TIAM1: variants seen among roughly 807,000 people sequenced by gnomAD.
The protein encoded by TIAM1 is rho guanine nucleotide exchange factor TIAM1.
In TIAM1, 65 loss-of-function variants were observed where a neutral mutation model predicts 163.5. The observed-to-expected ratio is 0.40, with a 90% CI of 0.33 to 0.49. The LOEUF (loss-of-function observed/expected upper bound fraction) is 0.49, where lower values mean the gene tolerates loss of function less well. TIAM1 is among the 20% of genes least tolerant of loss of function. The pLI, the probability that TIAM1 is intolerant of heterozygous loss-of-function variation, is 0.77. For synonymous variants in TIAM1, 833 were observed against 810.1 expected (o/e 1.03, Z -0.48); for missense variants, 1,789 against 2,044.7 (o/e 0.87, Z 2.41).
chr21:31,443,080 C>T (rs555499594), intron 2 of TIAM1, among the ~76,000 whole-genome samples: 1 of 152,294 alleles, frequency 6.6e-6, no homozygotes, highest in East Asian at 1.9e-4. Context: ...GCGTATCTGC[C>T]TGAGAAGTAG....
At chr21:31,158,796 T>A (rs73899666) in intron 16 of TIAM1, among the ~76,000 whole-genome samples, 2,263 of 152,262 alleles carry the variant, frequency 0.015, 52 homozygotes, top group African/African-American at 0.05. Flanking sequence ...CTCTTTACTG[T>A]GGCCAAACTT....
intron 13 of TIAM1, among the ~76,000 whole-genome samples, chr21:31,187,797 T>C (rs2085373706): frequency 1.3e-5 from 2 of 152,164 alleles, no homozygotes; most frequent in South Asian, 2.1e-4. Context: ...CTCAAAACTC[T>C]ATGGTTACAA....
At chr21:31,278,352 G>A (rs1369494287) in intron 2 of TIAM1, among the ~76,000 whole-genome samples, 1 of 152,212 alleles carries the variant, frequency 6.6e-6, no homozygotes, top group Non-Finnish European at 1.5e-5. Context: ...AGGAACACGT[G>A]GGGTTAATGG....
chr21:31,439,101 T>C (rs1177265531), intron 2 of TIAM1, among the ~76,000 whole-genome samples: 3 of 152,188 alleles, frequency 2.0e-5, no homozygotes, highest in African/African-American at 7.2e-5. Context: ...TGATTGGGGA[T>C]GTCTGCCACA....
At position 31,308,024 on chromosome 21, in the gene TIAM1, G is replaced by A. The variant is rs190089178; in HGVS notation, c.-188-31116C>T. On this transcript the variant is annotated intron_variant, in intron 2 of 27. Transcript: ENST00000541036. ...AAGGCAGGCAGATCACTTGAGAAAC[G>A]AAATCGGAATCCCTGTCAGGGTTCA... Among the ~76,000 whole-genome samples the A allele has an allele frequency of 1.5e-3, 227 of 152,266 alleles. 1 individual carries two copies. The highest frequency in any genetic ancestry group is 5.2e-3 in the African/African-American group (215 of 41,538).
intron 1 of TIAM1, among the ~76,000 whole-genome samples, chr21:31,556,691 C>G (rs2077397332): frequency 6.6e-6 from 1 of 152,156 alleles, no homozygotes; most frequent in Admixed American, 6.5e-5. Flanking sequence ...GGAAAAACAA[C>G]TCAAAACACA....
intron 2 of TIAM1, chr21:31,453,166 A>G: frequency 3.5e-6 from 1 of 289,468 alleles, no homozygotes; most frequent in Middle Eastern, 4.4e-4. Context: ...TGAAAAACAC[A>G]GTGGTGTTAC....
intron 19 of TIAM1, among the ~76,000 whole-genome samples, chr21:31,150,315 T>C (rs2083318450): frequency 6.6e-6 from 1 of 152,110 alleles, no homozygotes; most frequent in African/African-American, 2.4e-5. Context: ...TGAGGTAGAA[T>C]ATCGAGGTGA....
intron 2 of TIAM1, among the ~76,000 whole-genome samples, chr21:31,327,455 C>T (rs1419040777): frequency 1.3e-5 from 2 of 151,814 alleles, no homozygotes; most frequent in East Asian, 3.9e-4. Flanking sequence ...ATCTGGCCAA[C>T]ATAGCAAAAC....
chr21:31,204,716 G>C (rs922266894), intron 11 of TIAM1, among the ~76,000 whole-genome samples: 3 of 152,226 alleles, frequency 2.0e-5, no homozygotes, highest in African/African-American at 7.2e-5. Flanking sequence ...TGTGGAAGGT[G>C]AGGCAGCAGT....
intron 1 of TIAM1, among the ~76,000 whole-genome samples, chr21:31,509,911 T>C (rs1330112000): frequency 6.6e-6 from 1 of 152,088 alleles, no homozygotes; most frequent in African/African-American, 2.4e-5. Flanking sequence ...TGTGTTTATC[T>C]ATCTCAGGCA....
chr21:31,507,389 T>G (rs866501436), intron 1 of TIAM1, among the ~76,000 whole-genome samples: 1 of 151,324 alleles, frequency 6.6e-6, no homozygotes, highest in African/African-American at 2.4e-5. Flanking sequence ...GTATTCTTAG[T>G]AGAGATGGGG....
intron 1 of TIAM1, among the ~76,000 whole-genome samples, chr21:31,542,420 C>G (rs1406285509): frequency 6.8e-6 from 1 of 147,448 alleles, no homozygotes; most frequent in East Asian, 2.3e-4. Flanking sequence ...GAGCGAGACT[C>G]CGTCTCAAAA....
intron 2 of TIAM1, among the ~76,000 whole-genome samples, chr21:31,455,391 T>G (rs1360149192): frequency 1.3e-5 from 2 of 150,756 alleles, no homozygotes; most frequent in Non-Finnish European, 2.9e-5. Context: ...AGTGGCAATA[T>G]GAGTATCAAA....
intron 15 of TIAM1, among the ~76,000 whole-genome samples, chr21:31,181,586 C>T (rs1407825824): frequency 6.6e-6 from 1 of 151,746 alleles, no homozygotes; most frequent in African/African-American, 2.4e-5. Flanking sequence ...GAGCTCTGCA[C>T]ACATTTCCAC....
Position 31,120,276 on chromosome 21 carries a change from C to A in TIAM1, c.*92G>T. 6 of 1,333,686 alleles carry A rather than the reference C, an allele frequency of 4.5e-6. No individual in the cohort carries two copies. The highest frequency in any genetic ancestry group is 5.1e-6 in the Non-Finnish European group (5 of 983,994). The allele number at this position is 1,333,686 out of a possible 1,614,324, so 82.6% of individuals were successfully genotyped here. On this transcript the variant is annotated 3_prime_UTR_variant, in exon 28 of 28. Coordinates refer to ENST00000541036, the MANE Select transcript of TIAM1 (RefSeq NM_001353694.2). This position sits in a 1 kb window ranked among gnomAD's most constrained non-coding sequence, Gnocchi z 4.2. ...AAAACCGTGTGTGCAAGAGCGCGAC[C>A]TAAGGGGACATTCTTGTCGACGGTA...
chr21:31,130,322 A>C lies in TIAM1; in HGVS notation c.3943-7T>G. On this transcript the variant is annotated splice_region_variant and splice_polypyrimidine_tract_variant and intron_variant, in intron 24 of 27. Transcript: ENST00000541036. The stretch of plus-strand genomic sequence containing the variant: ...AAAGCCTGTGAGATCCTACCTGCAG[A>C]GGAGAAGGAACCAGCTGCATAAGAA... 6.2e-7 allele frequency: 1 copy of C among 1,609,254 alleles called. No individual in the cohort carries two copies. Among genetic ancestry groups the C allele is most frequent in the South Asian group, 1.1e-5 (1 of 90,996 alleles).
chr21:31,436,697 C>T (rs1420826559), intron 2 of TIAM1, among the ~76,000 whole-genome samples: 3 of 151,954 alleles, frequency 2.0e-5, no homozygotes, highest in Admixed American at 6.6e-5. Flanking sequence ...GTGGCTCACA[C>T]CTGTAATTCC....
At chr21:31,175,594 T>C (rs2084721691) in intron 15 of TIAM1, among the ~76,000 whole-genome samples, 1 of 152,050 alleles carries the variant, frequency 6.6e-6, no homozygotes, top group Non-Finnish European at 1.5e-5. Flanking sequence ...TCTCAATAAA[T>C]GCTTTATAAA....
Sources: gnomAD v4.1 joint callset for allele counts (sites outside exome capture counted in the v4.1 genomes callset) on GRCh38, gnomAD v4.1.1 for gene constraint, Gnocchi (gnomAD v3.1) non-coding constraint, MANE v1.5 for transcripts, NCBI Gene and HGNC (gene_info 2026-07-23, HGNC 2026-07-21) for gene names.